Variants in CSMD1 observed in about 807,000 individuals in gnomAD.
The protein encoded by CSMD1 is CUB and sushi domain-containing protein 1.
Under a neutral mutation model 417.5 loss-of-function variants are expected in CSMD1, and 213 were observed. The observed-to-expected ratio is 0.51, with a 90% CI of 0.46 to 0.57. CSMD1 has a LOEUF of 0.57. Ranked by LOEUF, CSMD1 falls within the 20% of genes least tolerant of loss-of-function variation. The pLI, the probability that CSMD1 is intolerant of heterozygous loss-of-function variation, is 0.00. For synonymous variants in CSMD1, 2,862 were observed against 1,736.8 expected (o/e 1.65, Z -16.11); for missense variants, 6,923 against 4,529.7 (o/e 1.53, Z -15.17).
At position 4,524,112 on chromosome 8, in the gene CSMD1, C is replaced by T. The variant is rs553064392; in HGVS notation, c.303-104047G>A. Among the ~76,000 whole-genome samples, 19 of 152,094 alleles carry T rather than the reference C, an allele frequency of 1.2e-4. No homozygotes were observed. The South Asian group carries it at 3.3e-3, about 27-fold the overall frequency. On this transcript the variant is annotated intron_variant, in intron 2 of 69. Transcript: ENST00000635120. ...TGGAATAGTCCCAAGAAAAAACTCC[C>T]CAGGCATTGAATTAAAAAGGAAATC...
intron 3 of CSMD1, among the ~76,000 whole-genome samples, chr8:4,251,420 A>G (rs1803064164): frequency 6.6e-6 from 1 of 152,198 alleles, no homozygotes; most frequent in Non-Finnish European, 1.5e-5. Flanking sequence ...TTTGAGCAAT[A>G]ACATGAGACA....
chr8:3,745,322 G>A (rs184961224), intron 6 of CSMD1, among the ~76,000 whole-genome samples: 221 of 152,276 alleles, frequency 1.5e-3, no homozygotes, highest in African/African-American at 5.1e-3. Context: ...GCAAGAACCT[G>A]GTTGGAATCT....
chr8:3,673,157 C>A (rs989007758), intron 7 of CSMD1, among the ~76,000 whole-genome samples: 3 of 152,164 alleles, frequency 2.0e-5, no homozygotes, highest in Admixed American at 6.5e-5. Context: ...AACTCTGATG[C>A]TATGTCATTA....
chr8:4,220,996 G>A (rs1001734049), intron 3 of CSMD1, among the ~76,000 whole-genome samples: 12 of 152,184 alleles, frequency 7.9e-5, no homozygotes, highest in Non-Finnish European at 1.8e-4. Flanking sequence ...GCTCTCCTCT[G>A]CCATGCCATG....
chr8:4,001,286 C>T (rs1301807666), intron 4 of CSMD1, among the ~76,000 whole-genome samples: 2 of 152,108 alleles, frequency 1.3e-5, no homozygotes, highest in African/African-American at 2.4e-5. Flanking sequence ...GGAGTGTTTA[C>T]AGGCAGCCAA....
chr8:4,139,200 C>T (rs1449282752), intron 3 of CSMD1, among the ~76,000 whole-genome samples: 1 of 152,136 alleles, frequency 6.6e-6, no homozygotes, highest in Non-Finnish European at 1.5e-5. Flanking sequence ...TCAGTATCTT[C>T]CTGGAAAATA....
intron 1 of CSMD1, among the ~76,000 whole-genome samples, chr8:4,842,848 CT>C (rs1563564032): frequency 3.9e-5 from 6 of 152,252 alleles, no homozygotes; most frequent in African/African-American, 1.4e-4. Flanking sequence ...GCTGTTAAAT[CT>C]TTTTTCAACG....
intron 11 of CSMD1, among the ~76,000 whole-genome samples, chr8:3,478,256 G>A (rs73499635): frequency 0.12 from 17,865 of 152,176 alleles, 1,399 homozygotes; most frequent in East Asian, 0.33. Flanking sequence ...AATTGTTCAC[G>A]TGCGGAACTG....
At chr8:3,967,681 G>C (rs1003194129) in intron 5 of CSMD1, among the ~76,000 whole-genome samples, 1 of 152,042 alleles carries the variant, frequency 6.6e-6, no homozygotes, top group African/African-American at 2.4e-5. Flanking sequence ...ATACGTGCTG[G>C]GGTGAGCTTC....
At chr8:3,067,332 C>T (rs1430956481) in intron 49 of CSMD1, among the ~76,000 whole-genome samples, 1 of 152,044 alleles carries the variant, frequency 6.6e-6, no homozygotes, top group African/African-American at 2.4e-5. Flanking sequence ...ATCTTTTGAC[C>T]TCGATGCCTC....
intron 6 of CSMD1, among the ~76,000 whole-genome samples, chr8:3,733,610 T>C (rs1462782178): frequency 6.6e-6 from 1 of 152,058 alleles, no homozygotes; most frequent in African/African-American, 2.4e-5. Flanking sequence ...CCCTGCTGCA[T>C]CCTGCCTCGG....
At chr8:3,495,137 G>C (rs1005592972) in intron 10 of CSMD1, among the ~76,000 whole-genome samples, 4 of 152,322 alleles carry the variant, frequency 2.6e-5, no homozygotes, top group Middle Eastern at 6.8e-3. Flanking sequence ...TAGGTGTCGA[G>C]GTTGATAGCT....
chr8:3,294,084 A>G (rs986568706), intron 25 of CSMD1, among the ~76,000 whole-genome samples: 2 of 152,136 alleles, frequency 1.3e-5, no homozygotes, highest in African/African-American at 2.4e-5. Flanking sequence ...AGTTTGCTGG[A>G]GGTGCACTCC....
chr8:3,383,032 A>G (rs988049239), intron 18 of CSMD1, among the ~76,000 whole-genome samples: 10 of 152,222 alleles, frequency 6.6e-5, no homozygotes, highest in African/African-American at 2.4e-4. Flanking sequence ...TCAAATACCA[A>G]TGATGCCAGC....
intron 3 of CSMD1, among the ~76,000 whole-genome samples, chr8:4,188,910 A>T (rs765262236): frequency 2.0e-5 from 3 of 152,002 alleles, no homozygotes; most frequent in Non-Finnish European, 2.9e-5. Context: ...CGGGGTTGGC[A>T]TAGCTGCTGG....
In CSMD1 at chr8:3,179,145, A is replaced by G. The variant is rs11780330; in HGVS notation, c.5725+1965T>C. Among the ~76,000 whole-genome samples, 29 of 148,926 alleles carry G rather than the reference A, an allele frequency of 1.9e-4. 2 individuals are homozygous for G. Among genetic ancestry groups the G allele is most frequent in the African/African-American group, 6.8e-4 (27 of 39,784 alleles). On this transcript the variant is annotated intron_variant, in intron 37 of 69. Coordinates refer to ENST00000635120, the MANE Select transcript of CSMD1 (RefSeq NM_033225.6). ...TATTTTTAGTAGATACGGGGTTTCA[A>G]CGTGTTAGCCAGGACTGTCTCGATC... is the stretch of plus-strand genomic sequence containing the variant.
At chr8:4,696,906 G>T (rs1303900936) in intron 1 of CSMD1, among the ~76,000 whole-genome samples, 1 of 152,228 alleles carries the variant, frequency 6.6e-6, no homozygotes. Context: ...AGGTTCAGTG[G>T]CTCATTCCTG....
intron 18 of CSMD1, among the ~76,000 whole-genome samples, chr8:3,379,383 A>G (rs1025984059): frequency 6.6e-6 from 1 of 152,208 alleles, no homozygotes; most frequent in African/African-American, 2.4e-5. Context: ...TCTTCATTGA[A>G]TTAGAAAAAA....
intron 5 of CSMD1, among the ~76,000 whole-genome samples, chr8:3,862,390 C>G (rs1178955087): frequency 7.8e-6 from 1 of 127,656 alleles, no homozygotes; most frequent in African/African-American, 4.0e-5. Flanking sequence ...CTTTCATTTT[C>G]TCTTCCTGAA....
Sources: allele counts gnomAD v4.1 joint callset (sites outside exome capture counted in the v4.1 genomes callset), GRCh38; gene constraint gnomAD v4.1.1; transcripts MANE v1.5; gene names NCBI Gene and HGNC (gene_info 2026-07-23, HGNC 2026-07-21).